TENM2: variants seen among roughly 807,000 people sequenced by gnomAD.
TENM2 encodes the protein teneurin-2.
Under a neutral mutation model 245.2 loss-of-function variants are expected in TENM2, and 52 were observed. That is an observed-to-expected ratio of 0.21 (90% confidence interval 0.17 to 0.27). TENM2 has a LOEUF of 0.27. Ranked by LOEUF, TENM2 falls within the 10% of genes least tolerant of loss-of-function variation. TENM2 has a pLI of 1.00. For synonymous variants in TENM2, 1,363 were observed against 1,438.9 expected (o/e 0.95, Z 1.19); for missense variants, 3,046 against 3,666.8 (o/e 0.83, Z 4.37).
intron 2 of TENM2, among the ~76,000 whole-genome samples, chr5:167,438,246 G>A (rs1225993001): frequency 6.6e-6 from 1 of 152,118 alleles, no homozygotes; most frequent in Non-Finnish European, 1.5e-5. Flanking sequence ...CCTCTGATGT[G>A]CCTTTTTTTG....
chr5:168,247,988 T>C lies in TENM2; in HGVS notation c.7049T>C (p.Leu2350Pro). ...GAGATTACCTCACTGTACTACGACC[T>C]CCAGGGCCACCTCTTTGCCATGGAG... Residue 2350 changes from leucine (L) to proline (P), a missense_variant, in exon 27 of 29, where the codon CTC becomes CCC. By Grantham distance (98) the Leu-to-Pro change is moderately conservative (BLOSUM62 -3). Transcript: ENST00000518659. This position sits in a 1 kb window ranked among gnomAD's most constrained non-coding sequence, Gnocchi z 7.8. 6.2e-7 allele frequency: 1 copy of C among 1,613,968 alleles called. No homozygotes were observed. Among genetic ancestry groups the C allele is most frequent in the African/African-American group, 1.3e-5 (1 of 75,036 alleles).
At chr5:167,556,273 T>C (rs959142408) in intron 2 of TENM2, among the ~76,000 whole-genome samples, 3 of 152,154 alleles carry the variant, frequency 2.0e-5, no homozygotes, top group East Asian at 1.9e-4. Flanking sequence ...AGAAAAGCTC[T>C]CATTTTTCTG....
chr5:167,817,869 G>C (rs765816674), intron 2 of TENM2, among the ~76,000 whole-genome samples: 1 of 152,158 alleles, frequency 6.6e-6, no homozygotes, highest in Non-Finnish European at 1.5e-5. Flanking sequence ...GCATGAATTT[G>C]AGCAAAGTCC....
intron 2 of TENM2, among the ~76,000 whole-genome samples, chr5:167,540,427 A>T (rs1435938770): frequency 1.3e-5 from 2 of 152,248 alleles, no homozygotes; most frequent in South Asian, 4.1e-4. Flanking sequence ...AAGAAAATGA[A>T]CAAAGAATGA....
rs115777643 is a variant in TENM2 at position 167,684,561 on chromosome 5, T to C, written c.503-191425T>C. 9.6e-3 allele frequency among the ~76,000 whole-genome samples: 1,467 copies of C among 152,332 alleles called. 20 individuals carry two copies. The highest frequency in any genetic ancestry group is 0.033 in the African/African-American group (1,393 of 41,584). ...AAAGATTTTAAGTCTAAATCCCTTG[T>C]CTGTTTTTCCACATTGCTAGATGGG... is the stretch of plus-strand genomic sequence containing the variant. On this transcript the variant is annotated intron_variant, in intron 2 of 28. Transcript: ENST00000518659.
the TENM2 span, among the ~76,000 whole-genome samples, chr5:167,162,467 A>C: frequency 4.0e-5 from 6 of 151,856 alleles, no homozygotes; most frequent in Non-Finnish European, 1.5e-5. Context: ...GTCTCTACTA[A>C]AAATACAAAA....
chr5:167,666,028 G>T (rs563507777), intron 2 of TENM2, among the ~76,000 whole-genome samples: 2 of 152,176 alleles, frequency 1.3e-5, no homozygotes, highest in Admixed American at 1.3e-4. Flanking sequence ...TAGACCAGAG[G>T]CAGAGGTATT....
At chr5:168,253,548 G>C (rs6895334) in intron 27 of TENM2, among the ~76,000 whole-genome samples, 20,151 of 150,356 alleles carry the variant, frequency 0.13, 1,918 homozygotes, top group African/African-American at 0.27. Flanking sequence ...GCCTCAGCCC[G>C]CGGAGTAGCT....
Position 168,247,393 on chromosome 5 carries a change from A to C in TENM2, c.6454A>C (p.Lys2152Gln), listed in dbSNP as rs1414180865. 6.2e-7 allele frequency: 1 copy of C among 1,613,992 alleles called. No homozygotes were observed. Among genetic ancestry groups the C allele is most frequent in the African/African-American group, 1.3e-5 (1 of 75,038 alleles). Reference sequence around the variant, plus strand: ...CACCACTGCCGTGATGACCCTCAGCAAACACTTCGACACCCATGGGCGGAT... The same window carrying C: ...CACCACTGCCGTGATGACCCTCAGCCAACACTTCGACACCCATGGGCGGAT... Residue 2152 changes from lysine (K) to glutamine (Q), a missense_variant, in exon 27 of 29, where the codon AAA (lysine) becomes CAA (glutamine). Physicochemically the swap from Lys to Gln is moderately conservative, Grantham distance 53. Coordinates refer to ENST00000518659, the Ensembl canonical transcript of TENM2. The surrounding 1 kb of genome is among the most constrained non-coding windows in gnomAD (Gnocchi z 7.8).
At chr5:168,052,577 A>T (rs1228485986) in intron 6 of TENM2, among the ~76,000 whole-genome samples, 1 of 152,148 alleles carries the variant, frequency 6.6e-6, no homozygotes, top group African/African-American at 2.4e-5. Flanking sequence ...CTAAGAATTA[A>T]CCAAACCCCA....
intron 2 of TENM2, among the ~76,000 whole-genome samples, chr5:167,601,491 C>T (rs1413408924): frequency 6.6e-6 from 1 of 152,246 alleles, no homozygotes; most frequent in African/African-American, 2.4e-5. Context: ...AGCATAAAAA[C>T]AGGACAGAGT....
intron 2 of TENM2, among the ~76,000 whole-genome samples, chr5:167,763,165 C>T (rs574524318): frequency 1.3e-5 from 2 of 152,286 alleles, no homozygotes; most frequent in Admixed American, 1.3e-4. Flanking sequence ...AGGCTCACTG[C>T]TTAGAGAAAA....
At chr5:167,876,370 T>G (rs1186014317) in intron 3 of TENM2, among the ~76,000 whole-genome samples, 175 bp downstream of exon 5, 1 of 152,182 alleles carries the variant, frequency 6.6e-6, no homozygotes, top group African/African-American at 2.4e-5. Flanking sequence ...CTGTAGAAGG[T>G]TGAAGTTACT....
Position 167,693,577 on chromosome 5 carries a change from C to T in TENM2, c.503-182409C>T, listed in dbSNP as rs961374031. On this transcript the variant is annotated intron_variant, in intron 2 of 28. Coordinates refer to ENST00000518659, the Ensembl canonical transcript of TENM2. ...GGAAGACTGGGTAACTGTCATAATG[C>T]CAAACATCGGTGCTCCTCTCCCTCA... Among the ~76,000 whole-genome samples the T allele has an allele frequency of 1.2e-4, 18 of 149,484 alleles. No individual in the cohort carries two copies. The South Asian group carries it at 2.8e-3, about 24-fold the overall frequency.
the TENM2 span, among the ~76,000 whole-genome samples, chr5:167,020,711 A>G: frequency 6.6e-6 from 1 of 152,218 alleles, no homozygotes; most frequent in African/African-American, 2.4e-5. Context: ...CTTGTTACCA[A>G]GGTTTGCCCA....
At chr5:167,795,348 A>G (rs930206631) in intron 2 of TENM2, among the ~76,000 whole-genome samples, 1 of 152,208 alleles carries the variant, frequency 6.6e-6, no homozygotes, top group Admixed American at 6.5e-5. Context: ...TGTTTTGGGG[A>G]AAGATAATAT....
chr5:168,055,568 C>G (rs757540376), intron 6 of TENM2, among the ~76,000 whole-genome samples: 1 of 152,152 alleles, frequency 6.6e-6, no homozygotes, highest in Non-Finnish European at 1.5e-5. Flanking sequence ...TTCAGCTGCT[C>G]TGGAAAATGA....
intron 13 of TENM2, among the ~76,000 whole-genome samples, chr5:168,189,127 A>T (rs1471385374): frequency 2.0e-5 from 3 of 152,178 alleles, no homozygotes; most frequent in Non-Finnish European, 4.4e-5. Flanking sequence ...ATTTATAAGG[A>T]CACTCATCCA....
the TENM2 span, among the ~76,000 whole-genome samples, chr5:167,047,735 C>G: frequency 6.6e-6 from 1 of 152,126 alleles, no homozygotes; most frequent in African/African-American, 2.4e-5. Flanking sequence ...GTAGGGTTTT[C>G]AGGCTGGTGA....
Sources: allele counts gnomAD v4.1 joint callset (sites outside exome capture counted in the v4.1 genomes callset), GRCh38; gene constraint gnomAD v4.1.1; non-coding constraint Gnocchi (gnomAD v3.1); transcripts MANE v1.5; gene names NCBI Gene and HGNC (gene_info 2026-07-23, HGNC 2026-07-21).